RAB18: variants seen among roughly 807,000 people sequenced by gnomAD.
RAB18 encodes RAB18, member RAS oncogene family.
RAB18 carries 10 observed loss-of-function variants against 28.5 expected under a neutral mutation model. The ratio of observed to expected loss-of-function variants is 0.35; its 90% confidence interval spans 0.22 to 0.60. The LOEUF is 0.60. RAB18 is among the 20% of genes least tolerant of loss of function. The pLI, the probability that RAB18 is intolerant of heterozygous loss-of-function variation, is 0.78. For missense variants in RAB18, 188 were observed against 244.2 expected (o/e 0.77, Z 1.53); for synonymous variants, 93 against 86.9 (o/e 1.07, Z -0.39).
chr10:27,534,760 G>A lies in RAB18; in HGVS notation c.445+766G>A, dbSNP rs1021570610. ...ATGTGAAGCCAGCTTTAGGAATTAC[G>A]GATTTAACCATTCCATGGCGTTAGA... On this transcript the variant is annotated intron_variant, in intron 6 of 6. Coordinates refer to ENST00000356940, the MANE Select transcript of RAB18 (RefSeq NM_021252.5). Among the ~76,000 whole-genome samples the A allele has an allele frequency of 7.2e-5, 11 of 152,292 alleles. No individual in the cohort carries two copies. In the South Asian group the frequency reaches 8.3e-4, roughly 11 times the overall value.
intron 2 of RAB18, among the ~76,000 whole-genome samples, chr10:27,513,056 A>G (rs565390591): frequency 1.3e-4 from 19 of 147,322 alleles, no homozygotes; most frequent in Admixed American, 7.4e-4. Context: ...TTTGGAGACA[A>G]GAGTCTCGCT....
At chr10:27,523,220 A>T (rs1834596828) in intron 2 of RAB18, among the ~76,000 whole-genome samples, 1 of 148,110 alleles carries the variant, frequency 6.8e-6, no homozygotes, top group Admixed American at 6.7e-5. Context: ...TTAATTTAAA[A>T]TACTTAGAAC....
intron 3 of RAB18, chr10:27,531,401 C>T: frequency 7.3e-7 from 1 of 1,377,394 alleles, no homozygotes. Flanking sequence ...AAACCTCTTA[C>T]AGGTTATTCT....
intron 3 of RAB18, among the ~76,000 whole-genome samples, chr10:27,529,971 A>G (rs1482796091): frequency 6.6e-6 from 1 of 152,048 alleles, no homozygotes; most frequent in African/African-American, 2.4e-5. Context: ...ATATTTCAAC[A>G]TTAAAACTTT....
chr10:27,540,039 T>C lies in RAB18; in HGVS notation c.*1988T>C, dbSNP rs933999462. On this transcript the variant is annotated 3_prime_UTR_variant, in exon 7 of 7. Coordinates refer to ENST00000356940, the MANE Select transcript of RAB18 (RefSeq NM_021252.5). The stretch of plus-strand genomic sequence containing the variant: ...GTTTTGTTAATTCTTTTCAGAATCA[T>C]TGAAGCAGTCTTAAAGGGTCTTTTG... The C allele has an allele frequency of 8.8e-6, 4 of 453,956 alleles. No individual in the cohort carries two copies. The highest frequency in any genetic ancestry group is 1.6e-5 in the South Asian group (1 of 64,476). 28.1% of individuals were successfully genotyped at this position (453,956 alleles called of 1,614,324 possible).
At chr10:27,505,946 C>G (rs1837821073) in intron 1 of RAB18, among the ~76,000 whole-genome samples, 1 of 152,152 alleles carries the variant, frequency 6.6e-6, no homozygotes, top group Admixed American at 6.5e-5. Flanking sequence ...TAATGAAATA[C>G]TATGAGTTAG....
At chr10:27,534,015 C>T in intron 6 of RAB18, 21 bp downstream of exon 6, 1 of 1,564,350 alleles carries the variant, frequency 6.4e-7, no homozygotes, top group South Asian at 1.1e-5. Context: ...GAATGAATAT[C>T]TGTCCTTTCA....
At chr10:27,533,184 G>A (rs1200062139) in intron 4 of RAB18, among the ~76,000 whole-genome samples, 3 of 151,856 alleles carry the variant, frequency 2.0e-5, no homozygotes, top group Non-Finnish European at 2.9e-5. Context: ...CATCTCTTGA[G>A]TTTATAAAAC....
intron 2 of RAB18, among the ~76,000 whole-genome samples, chr10:27,515,794 A>T (rs182657598): frequency 5.3e-5 from 8 of 152,242 alleles, no homozygotes; most frequent in African/African-American, 1.7e-4. Flanking sequence ...TGTTCTTTAA[A>T]GGTTACATTT....
At chr10:27,526,655 C>T (rs2132397629) in intron 2 of RAB18, among the ~76,000 whole-genome samples, 173 bp from the exon 3 acceptor site, 1 of 152,240 alleles carries the variant, frequency 6.6e-6, no homozygotes. Flanking sequence ...TGATTAAATC[C>T]TAAGATCCTG....
intron 2 of RAB18, among the ~76,000 whole-genome samples, chr10:27,524,915 G>A (rs1360611302): frequency 6.6e-6 from 1 of 152,224 alleles, no homozygotes; most frequent in Admixed American, 6.5e-5. Flanking sequence ...TAGATTAGGT[G>A]CCCCTTCAGG....
chr10:27,537,969 A>G lies in RAB18; in HGVS notation c.539A>G (p.Asn180Ser). Residue 180 changes from asparagine (N) to serine (S), a missense_variant, in exon 7 of 7, where the codon AAC becomes AGC. By Grantham distance (46) the Asn-to-Ser change is conservative. Transcript: ENST00000356940. ...IQTPGLWESENQNKGVKLSHR... is the reference protein window; with the variant it reads ...IQTPGLWESESQNKGVKLSHR... Reference sequence around the variant, plus strand: ...ACCCCTGGACTGTGGGAAAGTGAGAACCAGAATAAAGGAGTCAAACTGTCA... The same window carrying G: ...ACCCCTGGACTGTGGGAAAGTGAGAGCCAGAATAAAGGAGTCAAACTGTCA... 1 of 1,614,172 alleles carries G rather than the reference A, an allele frequency of 6.2e-7. No homozygotes were observed. Among genetic ancestry groups the G allele is most frequent in the Non-Finnish European group, 8.5e-7 (1 of 1,179,998 alleles).
chr10:27,508,524 T>C (rs923910154), intron 1 of RAB18, among the ~76,000 whole-genome samples: 5 of 152,204 alleles, frequency 3.3e-5, no homozygotes, highest in Non-Finnish European at 7.3e-5. Flanking sequence ...ACTGAGTATG[T>C]TGGGAGAGAA....
chr10:27,513,027 T>TAC (rs1258081930), intron 2 of RAB18, among the ~76,000 whole-genome samples: 1 of 140,268 alleles, frequency 7.1e-6, no homozygotes. Context: ...TATATATATA[T>TAC]ATATATTTTT....
At chr10:27,537,788 T>C (rs1834930427) in intron 6 of RAB18, 88 bp from the exon 7 acceptor site, 4 of 1,153,896 alleles carry the variant, frequency 3.5e-6, no homozygotes, top group South Asian at 2.7e-5. Context: ...TGTAGGCTGA[T>C]ATTTATGCCC....
chr10:27,506,119 C>G (rs1189333496), intron 1 of RAB18, among the ~76,000 whole-genome samples: 2 of 151,978 alleles, frequency 1.3e-5, no homozygotes, highest in East Asian at 1.9e-4. Flanking sequence ...CTCCTTTTTT[C>G]CTTGAGATAT....
At chr10:27,513,047 T>C (rs1242302143) in intron 2 of RAB18, among the ~76,000 whole-genome samples, 1 of 148,426 alleles carries the variant, frequency 6.7e-6, no homozygotes. Context: ...TTTTTTTTTT[T>C]TGGAGACAAG....
intron 2 of RAB18, among the ~76,000 whole-genome samples, chr10:27,517,313 A>C (rs773450905): frequency 6.6e-6 from 1 of 152,104 alleles, no homozygotes; most frequent in Non-Finnish European, 1.5e-5. Flanking sequence ...CAGTGAGCCG[A>C]GATTGTGCCA....
intron 2 of RAB18, among the ~76,000 whole-genome samples, chr10:27,510,741 A>G (rs1276810039): frequency 6.6e-6 from 1 of 152,198 alleles, no homozygotes; most frequent in Non-Finnish European, 1.5e-5. Flanking sequence ...TCTGATGAGG[A>G]GAATATAGTA....
Sources: allele counts gnomAD v4.1 joint callset (sites outside exome capture counted in the v4.1 genomes callset), GRCh38; gene constraint gnomAD v4.1.1; transcripts MANE v1.5; gene names NCBI Gene and HGNC (gene_info 2026-07-23, HGNC 2026-07-21).